The following SHROOM4 variants were observed in gnomAD, a reference collection of about 807,000 sequenced individuals.
SHROOM4 encodes the protein protein Shroom4.
A neutral mutation model predicts 80.3 loss-of-function variants in SHROOM4; 17 were observed. The ratio of observed to expected loss-of-function variants is 0.21; its 90% CI spans 0.14 to 0.32. The LOEUF (loss-of-function observed/expected upper bound fraction) is 0.32, where lower values mean the gene tolerates loss of function less well. Among genes scored for constraint, SHROOM4 ranks in the 10% least tolerant of loss-of-function variants. The probability of loss-of-function intolerance (pLI) is 1.00; values close to 1 mark genes in which losing one functional copy is unlikely to be tolerated. For missense variants in SHROOM4, 993 were observed against 1,140.3 expected (o/e 0.87, Z 1.86); for synonymous variants, 400 against 437.5 (o/e 0.91, Z 1.07).
chrX:50,578,590 C>T, the SHROOM4 span, among the ~76,000 whole-genome samples: 2 of 111,569 alleles, frequency 1.8e-5, no homozygotes, highest in Admixed American at 9.5e-5. Flanking sequence ...CAGGAGTGAG[C>T]CACCGTGCCA....
At chrX:50,729,167 G>A (rs186132857) in intron 1 of SHROOM4, among the ~76,000 whole-genome samples, 312 of 111,805 alleles carry the variant, frequency 2.8e-3, no homozygotes, top group African/African-American at 9.4e-3. Context: ...AGAAAAGCAG[G>A]CAAAAGAAAC....
intron 2 of SHROOM4, among the ~76,000 whole-genome samples, chrX:50,670,642 GT>G (rs1408900622): frequency 9.0e-6 from 1 of 111,697 alleles, no homozygotes; most frequent in Non-Finnish European, 1.9e-5. Flanking sequence ...AGATCACTGG[GT>G]CAAATGCTAT....
At chrX:50,776,871 G>A (rs781811411) in intron 1 of SHROOM4, among the ~76,000 whole-genome samples, 2 of 108,879 alleles carry the variant, frequency 1.8e-5, no homozygotes, top group Non-Finnish European at 3.8e-5. Flanking sequence ...GAATTTTTTC[G>A]TAGTGACGGG....
intron 5 of SHROOM4, among the ~76,000 whole-genome samples, chrX:50,614,254 A>G (rs1451426834): frequency 5.3e-5 from 6 of 112,675 alleles, no homozygotes; most frequent in African/African-American, 1.9e-4. Flanking sequence ...GTAAGACACA[A>G]AACATAAAAG....
chrX:50,667,725 T>C (rs1464240134), intron 2 of SHROOM4, among the ~76,000 whole-genome samples: 1 of 111,977 alleles, frequency 8.9e-6, no homozygotes, highest in African/African-American at 3.2e-5. Context: ...ATGATTTCTA[T>C]TACATTAAGA....
Position 50,695,815 on chromosome X carries a change from G to C in SHROOM4, c.240C>G (p.Ser80=), listed in dbSNP as rs781935190. 3.3e-6 allele frequency: 4 copies of C among 1,211,976 alleles called. No homozygotes were observed. Among genetic ancestry groups the C allele is most frequent in the Non-Finnish European group, 4.5e-6 (4 of 895,534 alleles). ...RQEALILIKG[S]FRILKLIVRR... Reference sequence around the variant, plus strand: ...TGACAATCAGCTTGAGAATCCGGAAGGAGCCTTTGATGAGAATGAGGGCCT... The same window carrying C: ...TGACAATCAGCTTGAGAATCCGGAACGAGCCTTTGATGAGAATGAGGGCCT... Residue 80 remains serine (S), a synonymous_variant, in exon 2 of 9, where the codon TCC becomes TCG. Transcript: ENST00000376020.
At chrX:50,657,625 C>T (rs926354131) in intron 2 of SHROOM4, among the ~76,000 whole-genome samples, 1 of 109,957 alleles carries the variant, frequency 9.1e-6, no homozygotes, top group Non-Finnish European at 1.9e-5. Context: ...GAATGGGTTG[C>T]GAAGGTGGGG....
intron 1 of SHROOM4, among the ~76,000 whole-genome samples, chrX:50,794,485 GAGA>G (rs1935917738): frequency 9.1e-6 from 1 of 110,440 alleles, no homozygotes. Flanking sequence ...AGAAATAGAA[GAGA>G]AGGAGGAGGT....
chrX:50,806,988 G>A (rs986622334), intron 1 of SHROOM4, among the ~76,000 whole-genome samples: 2 of 112,347 alleles, frequency 1.8e-5, no homozygotes, highest in East Asian at 2.8e-4. Flanking sequence ...GTTAGGTTGT[G>A]TAATTTAATC....
intron 6 of SHROOM4, among the ~76,000 whole-genome samples, chrX:50,606,206 T>C (rs1472831087): frequency 1.9e-5 from 2 of 107,795 alleles, no homozygotes; most frequent in African/African-American, 3.4e-5. Flanking sequence ...GCATTAGGTA[T>C]GTCTCCCAAT....
At position 50,634,437 on chromosome X, in the gene SHROOM4, C is replaced by T. The variant is rs782601673; in HGVS notation, c.1636G>A (p.Ala546Thr). Residue 546 changes from alanine to threonine, a missense_variant, in exon 4 of 9, where the codon GCA (alanine) becomes ACA (threonine). By Grantham distance (58) the Ala-to-Thr change is moderately conservative. Transcript: ENST00000376020. ...TCACCTGCCTCTGTGCCACTAGCTG[C>T]TTTAGTGGTTGAAGAACAGTCCGTG... ...QATDCSSTTKAASGTEAGEEG... is the reference protein window; with the variant it reads ...QATDCSSTTKTASGTEAGEEG... 5 of 1,211,603 alleles carry T rather than the reference C, an allele frequency of 4.1e-6. No individual in the cohort carries two copies. The East Asian group carries it at 8.9e-5, about 22-fold the overall frequency.
the SHROOM4 span, among the ~76,000 whole-genome samples, chrX:50,576,003 G>A: frequency 9.0e-6 from 1 of 111,627 alleles, no homozygotes; most frequent in South Asian, 3.8e-4. Flanking sequence ...TTTCAGTGCC[G>A]CTAGGCCTTC....
At chrX:50,661,581 T>C (rs1932514566) in intron 2 of SHROOM4, among the ~76,000 whole-genome samples, 1 of 112,514 alleles carries the variant, frequency 8.9e-6, no homozygotes, top group African/African-American at 3.2e-5. Context: ...TACTAAACAA[T>C]TGTCTTTGAA....
intron 1 of SHROOM4, among the ~76,000 whole-genome samples, chrX:50,804,912 G>A (rs1313469688): frequency 9.1e-6 from 1 of 110,141 alleles, no homozygotes; most frequent in Non-Finnish European, 1.9e-5. Context: ...CTTCCTGATC[G>A]CCAATTTAAG....
chrX:50,751,712 T>G (rs1557268063), intron 1 of SHROOM4, among the ~76,000 whole-genome samples: 1 of 112,129 alleles, frequency 8.9e-6, no homozygotes, highest in Non-Finnish European at 1.9e-5. Context: ...TAGCAGTGTT[T>G]AATTATAATT....
At chrX:50,673,313 T>C in intron 2 of SHROOM4, among the ~76,000 whole-genome samples, 1 of 111,109 alleles carries the variant, frequency 9.0e-6, no homozygotes, top group Middle Eastern at 4.8e-3. Context: ...GTTACTATAC[T>C]TCAAACTGGT....
At position 50,602,780 on chromosome X, in the gene SHROOM4, C is replaced by T; in HGVS notation, c.3795G>A (p.Gly1265=). The change falls in exon 7 of 9, where the codon GGG becomes GGA. Residue 1265 remains glycine, a synonymous_variant. Transcript: ENST00000376020. ...AGTAAGAGGTAGGGATTCCTGGGGCCCCTGAAGGAGGCGAAAAGTGCTGAA... is the reference window on the plus strand; with the variant it reads ...AGTAAGAGGTAGGGATTCCTGGGGCTCCTGAAGGAGGCGAAAAGTGCTGAA... ...QEFQHFSPPS[G]APGIPTSYSA... 8.3e-7 allele frequency: 1 copy of T among 1,210,960 alleles called. No individual in the cohort carries two copies. Among genetic ancestry groups the T allele is most frequent in the Non-Finnish European group, 1.1e-6 (1 of 895,283 alleles).
intron 6 of SHROOM4, among the ~76,000 whole-genome samples, chrX:50,603,237 A>T (rs1929517502): frequency 9.0e-6 from 1 of 110,928 alleles, no homozygotes; most frequent in African/African-American, 3.3e-5. Context: ...CCTCCCTCAG[A>T]CCTACCCCTG....
At chrX:50,672,091 T>G (rs1932803097) in intron 2 of SHROOM4, among the ~76,000 whole-genome samples, 1 of 112,030 alleles carries the variant, frequency 8.9e-6, no homozygotes, top group Admixed American at 9.5e-5. Flanking sequence ...ATCAATTCAG[T>G]TTGCCATCAA....
Sources: gnomAD v4.1 joint callset for allele counts (sites outside exome capture counted in the v4.1 genomes callset) on GRCh38, gnomAD v4.1.1 for gene constraint, MANE v1.5 for transcripts, NCBI Gene and HGNC (gene_info 2026-07-23, HGNC 2026-07-21) for gene names.